TRABD2A: variants seen among roughly 807,000 people sequenced by gnomAD.
TRABD2A encodes the protein TraB domain containing 2A, also known as metalloprotease TIKI1.
In TRABD2A, 43 loss-of-function variants were observed where a neutral mutation model predicts 45.6. The ratio of observed to expected loss-of-function variants is 0.94; its 90% CI spans 0.74 to 1.22. The LOEUF is 1.22. Among genes scored for constraint, TRABD2A ranks in the 50% most tolerant of loss-of-function variants. The probability of loss-of-function intolerance (pLI) is 0.00; values close to 1 mark genes in which losing one functional copy is unlikely to be tolerated. For missense variants in TRABD2A, 642 were observed against 652.4 expected (o/e 0.98, Z 0.17); for synonymous variants, 269 against 265.0 (o/e 1.02, Z -0.15).
chr2:84,845,004 C>T (rs1681835993), intron 2 of TRABD2A, among the ~76,000 whole-genome samples: 2 of 152,216 alleles, frequency 1.3e-5, no homozygotes, highest in African/African-American at 4.8e-5. Context: ...TTGTAACAGA[C>T]ATGTCAGTCT....
At chr2:84,852,439 G>C (rs1682130242) in intron 2 of TRABD2A, among the ~76,000 whole-genome samples, 1 of 152,122 alleles carries the variant, frequency 6.6e-6, no homozygotes. Flanking sequence ...TGGGATTGGG[G>C]AAGGGGTTGC....
chr2:84,880,770 G>T (rs770115649), intron 1 of TRABD2A, among the ~76,000 whole-genome samples, 162 bp downstream of exon 1: 2 of 152,242 alleles, frequency 1.3e-5, no homozygotes, highest in Non-Finnish European at 2.9e-5. Context: ...GAACCCGAGG[G>T]CACGGAGAGG....
chr2:84,848,580 C>G lies in TRABD2A; in HGVS notation c.670-6573G>C, dbSNP rs987826769. On this transcript the variant is annotated intron_variant, in intron 2 of 6. Coordinates refer to ENST00000409520, the MANE Select transcript of TRABD2A (RefSeq NM_001277053.2). ...TATATTACATATATAGAGAGAGAGA[C>G]AGAGAGAGAGAAAGAGATGGAGTCT... is the stretch of plus-strand genomic sequence containing the variant. 1.4e-4 allele frequency among the ~76,000 whole-genome samples: 20 copies of G among 142,258 alleles called. 1 individual carries two copies. The South Asian group carries it at 4.5e-3, about 32-fold the overall frequency. 93.3% of individuals were successfully genotyped at this position (142,258 alleles called of 152,430 possible).
chr2:84,830,644 A>T lies in TRABD2A; in HGVS notation c.1082+1411T>A, dbSNP rs985844609. ...GGAGAAGGAAAATGAGCAGTCTCAC[A>T]TCAGCGCTTCTGTAAACTAGAAAGT... On this transcript the variant is annotated intron_variant, in intron 5 of 6. Transcript: ENST00000409520. The surrounding 1 kb of genome is among the most constrained non-coding windows in gnomAD (Gnocchi z 4.9). 6.6e-6 allele frequency among the ~76,000 whole-genome samples: 1 copy of T among 152,192 alleles called. No homozygotes were observed. Among genetic ancestry groups the T allele is most frequent in the African/African-American group, 2.4e-5 (1 of 41,450 alleles).
At chr2:84,876,707 T>C (rs1683035840) in intron 1 of TRABD2A, among the ~76,000 whole-genome samples, 1 of 152,196 alleles carries the variant, frequency 6.6e-6, no homozygotes, top group Non-Finnish European at 1.5e-5. Flanking sequence ...CAGAGTCATA[T>C]CTTTTTTCAG....
intron 4 of TRABD2A, 60 bp from the exon 5 acceptor site, chr2:84,832,205 C>A: frequency 6.4e-7 from 1 of 1,552,128 alleles, no homozygotes; most frequent in Admixed American, 1.7e-5. Flanking sequence ...ACATACTCCC[C>A]AAACACACAC....
intron 2 of TRABD2A, among the ~76,000 whole-genome samples, chr2:84,854,702 CA>C (rs1221652709): frequency 6.6e-6 from 1 of 152,188 alleles, no homozygotes; most frequent in Non-Finnish European, 1.5e-5. Flanking sequence ...TGCCCAGACC[CA>C]TGCAACTCTA....
chr2:84,880,488 G>T (rs1433415338), intron 1 of TRABD2A, among the ~76,000 whole-genome samples: 1 of 152,244 alleles, frequency 6.6e-6, no homozygotes, highest in African/African-American at 2.4e-5. Context: ...CTGAACATAT[G>T]AAGGTTAAGC....
intron 2 of TRABD2A, among the ~76,000 whole-genome samples, chr2:84,855,620 C>A (rs1344285620): frequency 1.3e-5 from 2 of 152,150 alleles, no homozygotes. Context: ...CAAATTCTAC[C>A]CTTCCTTGCC....
chr2:84,852,655 A>T (rs1682137579), intron 2 of TRABD2A, among the ~76,000 whole-genome samples: 1 of 152,136 alleles, frequency 6.6e-6, no homozygotes, highest in Non-Finnish European at 1.5e-5. Context: ...AAGAGCCACC[A>T]GGCTTTCCCC....
At position 84,869,026 on chromosome 2, in the gene TRABD2A, TATAGCATATAGA is replaced by T. The variant is rs965611815; in HGVS notation, c.669+1187_669+1198del. 1.1e-4 allele frequency among the ~76,000 whole-genome samples: 16 copies of T among 152,230 alleles called. 1 individual carries two copies. Among genetic ancestry groups the T allele is most frequent in the African/African-American group, 3.6e-4 (15 of 41,454 alleles). On this transcript the variant is annotated intron_variant, in intron 2 of 6. Transcript: ENST00000409520. ...AAATCTTAGTGTGCCAAACAAATAC[TATAGCATATAGA>T]ATAGCATCGGATTACTTATTAATAT... is the stretch of plus-strand genomic sequence containing the variant.
At chr2:84,868,529 C>A (rs570639528) in intron 2 of TRABD2A, among the ~76,000 whole-genome samples, 1 of 149,286 alleles carries the variant, frequency 6.7e-6, no homozygotes, top group African/African-American at 2.6e-5. Flanking sequence ...AATTAGTTAA[C>A]TAGTTAATTA....
chr2:84,843,311 T>C (rs954749651), intron 2 of TRABD2A, among the ~76,000 whole-genome samples: 1 of 152,142 alleles, frequency 6.6e-6, no homozygotes, highest in Non-Finnish European at 1.5e-5. Context: ...ATGAGGTCTT[T>C]AGCAAGATGT....
chr2:84,824,189 C>T lies in TRABD2A; in HGVS notation c.1098G>A (p.Lys366=). 6.2e-7 allele frequency: 1 copy of T among 1,613,844 alleles called. No homozygotes were observed. Among genetic ancestry groups the T allele is most frequent in the Non-Finnish European group, 8.5e-7 (1 of 1,179,854 alleles). ...GRPIHKGKSK[K]TSTRPTLSTI... is the part of the protein sequence containing the mutation. ...TGGACAGAGTGGGCCGTGTGGAGGTCTTTTTACTCTTCCCTCTGTACGCAA... is the reference window on the plus strand; with the variant it reads ...TGGACAGAGTGGGCCGTGTGGAGGTTTTTTTACTCTTCCCTCTGTACGCAA... Residue 366 remains lysine (K), a synonymous_variant, in exon 6 of 7, where the codon AAG becomes AAA. Coordinates refer to ENST00000409520, the MANE Select transcript of TRABD2A (RefSeq NM_001277053.2).
At chr2:84,871,480 T>C (rs144634138) in intron 1 of TRABD2A, among the ~76,000 whole-genome samples, 2,035 of 148,472 alleles carry the variant, frequency 0.014, 41 homozygotes, top group African/African-American at 0.05. Flanking sequence ...AACTCAGAAA[T>C]GCTACTTTTT....
chr2:84,853,470 C>T (rs1271123646), intron 2 of TRABD2A, among the ~76,000 whole-genome samples: 1 of 152,172 alleles, frequency 6.6e-6, no homozygotes, highest in East Asian at 1.9e-4. Flanking sequence ...AACTCACTAT[C>T]AGGAGAACAG....
chr2:84,864,938 C>A (rs1191805879), intron 2 of TRABD2A, among the ~76,000 whole-genome samples: 1 of 152,140 alleles, frequency 6.6e-6, no homozygotes, highest in Non-Finnish European at 1.5e-5. Flanking sequence ...CCCTTAATAA[C>A]CACAGGCTGA....
chr2:84,829,988 CACACAA>C lies in TRABD2A; in HGVS notation c.1082+2061_1082+2066del, dbSNP rs572742229. The stretch of plus-strand genomic sequence containing the variant: ...CCTCACACACACCACACACCAGACA[CACACAA>C]ACACAAACATTACATACTCCACACA... On this transcript the variant is annotated intron_variant, in intron 5 of 6. Transcript: ENST00000409520. Among the ~76,000 whole-genome samples, 268 of 142,322 alleles carry C rather than the reference CACACAA, an allele frequency of 1.9e-3. 2 individuals carry two copies. Among genetic ancestry groups the C allele is most frequent in the African/African-American group, 7.8e-3 (252 of 32,412 alleles). The allele number at this position is 142,322 out of a possible 152,430, so 93.4% of individuals were successfully genotyped here. A position where few individuals can be genotyped will look rare whatever the true frequency, so the allele number is the denominator to read the frequency against.
intron 5 of TRABD2A, among the ~76,000 whole-genome samples, chr2:84,831,533 C>CA (rs200043346): frequency 0.19 from 25,182 of 136,088 alleles, 2,328 homozygotes; most frequent in African/African-American, 0.28. Flanking sequence ...GCAGTTTGGC[C>CA]AAAAAAAAAA....
Sources: allele counts gnomAD v4.1 joint callset (sites outside exome capture counted in the v4.1 genomes callset), GRCh38; gene constraint gnomAD v4.1.1; non-coding constraint Gnocchi (gnomAD v3.1); transcripts MANE v1.5; gene names NCBI Gene and HGNC (gene_info 2026-07-23, HGNC 2026-07-21).